Variants in SYCP2L observed in about 807,000 individuals in gnomAD.
SYCP2L encodes the protein synaptonemal complex protein 2 like, also known as synaptonemal complex protein 2-like.
SYCP2L carries 98 observed loss-of-function variants against 125.8 expected under a neutral mutation model. The observed-to-expected ratio is 0.78, with a 90% CI of 0.66 to 0.92. SYCP2L has a LOEUF of 0.92. Ranked by LOEUF, SYCP2L falls within the 40% of genes least tolerant of loss-of-function variation. The pLI is 0.00. For synonymous variants in SYCP2L, 317 were observed against 325.4 expected, an observed-to-expected ratio of 0.97 and a Z score of 0.28; for missense variants, 842 against 936.4, an observed-to-expected ratio of 0.90 and a Z score of 1.32.
At chr6:10,949,645 C>G (rs1358632621) in intron 23 of SYCP2L, among the ~76,000 whole-genome samples, 1 of 150,260 alleles carries the variant, frequency 6.7e-6, no homozygotes, top group Non-Finnish European at 1.5e-5. Context: ...CTGTTCATCT[C>G]TAGTAACTCT....
chr6:10,918,263 T>C (rs1780725552), intron 14 of SYCP2L, among the ~76,000 whole-genome samples: 1 of 152,236 alleles, frequency 6.6e-6, no homozygotes, highest in East Asian at 1.9e-4. Flanking sequence ...ATGATCTTTT[T>C]GTGATGAATT....
At chr6:10,959,336 T>C (rs1781558335) in intron 26 of SYCP2L, among the ~76,000 whole-genome samples, 1 of 152,084 alleles carries the variant, frequency 6.6e-6, no homozygotes, top group Non-Finnish European at 1.5e-5. Context: ...TTAAATGAGG[T>C]GTACCTAGAA....
At chr6:10,957,601 C>T (rs935201898) in intron 25 of SYCP2L, among the ~76,000 whole-genome samples, 6 of 152,060 alleles carry the variant, frequency 3.9e-5, no homozygotes, top group African/African-American at 1.2e-4. Context: ...TCGCTTGAGG[C>T]CAGGAGTTCA....
intron 9 of SYCP2L, among the ~76,000 whole-genome samples, chr6:10,906,282 C>T (rs945368493): frequency 5.3e-5 from 8 of 151,704 alleles, no homozygotes; most frequent in Admixed American, 6.6e-5. Flanking sequence ...AGCATTTTAC[C>T]GCATTAGCTT....
intron 1 of SYCP2L, among the ~76,000 whole-genome samples, chr6:10,889,747 C>G (rs1463770147): frequency 6.6e-6 from 1 of 151,798 alleles, no homozygotes; most frequent in African/African-American, 2.4e-5. Flanking sequence ...CAGCCTCCCC[C>G]GTAGCTGGGA....
At position 10,920,959 on chromosome 6, in the gene SYCP2L, C is replaced by T. The variant is rs117695361; in HGVS notation, c.1073-3537C>T. Among the ~76,000 whole-genome samples the T allele has an allele frequency of 1.5e-4, 23 of 152,108 alleles. No individual in the cohort carries two copies. In the East Asian group the frequency reaches 3.9e-3, roughly 26 times the overall value. ...GGATGTACAGGTTTGTTACATGTGC[C>T]ATAGTGGTTTGCTGCACAGATCATC... On this transcript the variant is annotated intron_variant, in intron 14 of 29. Transcript: ENST00000283141.
intron 25 of SYCP2L, among the ~76,000 whole-genome samples, chr6:10,957,451 C>A (rs2113408603): frequency 6.6e-6 from 1 of 152,162 alleles, no homozygotes; most frequent in South Asian, 2.1e-4. Context: ...ACTGAACTAC[C>A]AGAAAGCAAT....
intron 17 of SYCP2L, 91 bp downstream of exon 17, chr6:10,927,458 C>T (rs1048851303): frequency 4.1e-5 from 43 of 1,052,054 alleles, no homozygotes; most frequent in East Asian, 1.0e-4. Context: ...GTTGGGCATC[C>T]AGGGGAGACA....
intron 29 of SYCP2L, among the ~76,000 whole-genome samples, chr6:10,966,261 A>C (rs1781675068): frequency 1.3e-5 from 2 of 152,220 alleles, no homozygotes; most frequent in Admixed American, 1.3e-4. Context: ...ATATTAGGGA[A>C]TCTACTAATA....
chr6:10,918,197 C>CAAAAAA (rs540012555), intron 14 of SYCP2L, among the ~76,000 whole-genome samples: 1 of 77,966 alleles, frequency 1.3e-5, no homozygotes, highest in East Asian at 3.7e-4. Context: ...GACTCCATCT[C>CAAAAAA]AAAAAAAAAA....
intron 9 of SYCP2L, among the ~76,000 whole-genome samples, 174 bp from the exon 10 acceptor site, chr6:10,907,368 A>G (rs1297205748): frequency 6.6e-6 from 1 of 151,478 alleles, no homozygotes; most frequent in African/African-American, 2.4e-5. Context: ...AAAAAAAAAT[A>G]GAATTTAAAT....
chr6:10,965,366 G>A (rs1444774230), intron 29 of SYCP2L, among the ~76,000 whole-genome samples: 1 of 152,228 alleles, frequency 6.6e-6, no homozygotes, highest in Non-Finnish European at 1.5e-5. Context: ...GTCTTTTGCA[G>A]TGAGATGGAT....
chr6:10,973,569 G>A (rs1781812087), intron 29 of SYCP2L, among the ~76,000 whole-genome samples: 1 of 152,098 alleles, frequency 6.6e-6, no homozygotes, highest in South Asian at 2.1e-4. Flanking sequence ...TTGCCAATCT[G>A]GCTATTAACA....
At chr6:10,915,990 A>G (rs1489284660) in intron 14 of SYCP2L, among the ~76,000 whole-genome samples, 2 of 152,132 alleles carry the variant, frequency 1.3e-5, no homozygotes, top group Non-Finnish European at 2.9e-5. Context: ...TACAATTTCA[A>G]TCTCACTGCT....
chr6:10,942,661 C>A lies in SYCP2L; in HGVS notation c.1885-16C>A. 3 of 1,612,588 alleles carry A rather than the reference C, an allele frequency of 1.9e-6. No individual in the cohort carries two copies. In the South Asian group the frequency reaches 3.3e-5, roughly 18 times the overall value. On this transcript the variant is annotated splice_polypyrimidine_tract_variant and intron_variant, in intron 22 of 29. Coordinates refer to ENST00000283141, the MANE Select transcript of SYCP2L (RefSeq NM_001040274.3). ...TGCCATAAAGGACGTAATTTGTGGT[C>A]TGTTTTGTTTTTAAGATTGTGAACC...
At chr6:10,963,719 G>A (rs1450238667) in intron 28 of SYCP2L, 63 bp from the exon 29 acceptor site, 7 of 1,521,634 alleles carry the variant, frequency 4.6e-6, no homozygotes, top group Middle Eastern at 3.5e-4. Flanking sequence ...GTATCTAGAT[G>A]TATGTTCTTG....
At chr6:10,891,654 T>TATTCTTTCTA in intron 2 of SYCP2L, 73 bp downstream of exon 2, 1 of 871,264 alleles carries the variant, frequency 1.1e-6, no homozygotes, top group Non-Finnish European at 1.8e-6. Context: ...TGTGTGTGTG[T>TATTCTTTCTA]GTGTGTGTGT....
intron 28 of SYCP2L, among the ~76,000 whole-genome samples, chr6:10,962,146 A>G (rs895626324): frequency 6.6e-6 from 1 of 152,052 alleles, no homozygotes; most frequent in Non-Finnish European, 1.5e-5. Context: ...GTTCTTTCCC[A>G]CTCGAATAAT....
intron 21 of SYCP2L, among the ~76,000 whole-genome samples, chr6:10,940,841 GAGTA>G (rs1561695184): frequency 6.6e-6 from 1 of 152,024 alleles, no homozygotes; most frequent in Non-Finnish European, 1.5e-5. Flanking sequence ...CATCAAAAAA[GAGTA>G]AGAGGCAATA....
Sources: allele counts gnomAD v4.1 joint callset (sites outside exome capture counted in the v4.1 genomes callset), GRCh38; gene constraint gnomAD v4.1.1; transcripts MANE v1.5; gene names NCBI Gene and HGNC (gene_info 2026-07-23, HGNC 2026-07-21).